IFT172: variants seen among roughly 807,000 people sequenced by gnomAD.
IFT172 encodes the protein intraflagellar transport 172, also known as intraflagellar transport protein 172 homolog.
In IFT172, 164 loss-of-function variants were observed where a neutral mutation model predicts 248.9. That is an observed-to-expected ratio of 0.66 (90% CI 0.58 to 0.75). The LOEUF is 0.75. Among genes scored for constraint, IFT172 ranks in the 30% least tolerant of loss-of-function variants. The pLI, the probability that IFT172 is intolerant of heterozygous loss-of-function variation, is 0.00. For missense variants in IFT172, 1,950 were observed against 2,192.4 expected (o/e 0.89, Z 2.21); for synonymous variants, 729 against 791.6 (o/e 0.92, Z 1.33).
intron 30 of IFT172, among the ~76,000 whole-genome samples, 156 bp downstream of exon 30, chr2:27,456,355 G>T (rs968482375): frequency 1.3e-5 from 2 of 152,178 alleles, no homozygotes; most frequent in Non-Finnish European, 2.9e-5. Flanking sequence ...GTTAAACACT[G>T]TTCTGAGCCC....
intron 35 of IFT172, among the ~76,000 whole-genome samples, chr2:27,452,831 T>C (rs1433129844): frequency 2.6e-5 from 4 of 152,270 alleles, no homozygotes; most frequent in African/African-American, 9.6e-5. Context: ...CGTTGTTATA[T>C]GGCATATGAC....
rs1423990555 is a variant in IFT172, at chr2:27,485,133, A to G, written c.184-3T>C. The G allele has an allele frequency of 2.6e-6, 4 of 1,553,504 alleles. No homozygotes were observed. Among genetic ancestry groups the G allele is most frequent in the South Asian group, 1.2e-5 (1 of 85,682 alleles). On this transcript the variant is annotated splice_region_variant and splice_polypyrimidine_tract_variant and intron_variant, in intron 2 of 47. Transcript: ENST00000260570. ...ACCATATAGCTCTTCCTGCCATACT[A>G]AGAGTTTAAAAAAAAAAAAAGAAAG...
At chr2:27,486,949 C>CT (rs150387708) in intron 1 of IFT172, among the ~76,000 whole-genome samples, 318 of 146,044 alleles carry the variant, frequency 2.2e-3, no homozygotes, top group African/African-American at 5.0e-3. Flanking sequence ...TAATTTCCTT[C>CT]TTTTTTTTTT....
chr2:27,449,306 T>A lies in IFT172; in HGVS notation c.4299A>T (p.Thr1433=). ...EQGQWDKCIE[T]ATKQNYKILH... is the part of the protein sequence containing the mutation. ...AAGAGAGCAGTACCTGCTTGGTAGC[T>A]GTTTCAATGCACTTGTCCCACTGGC... The change falls in exon 39 of 48, where the codon ACA becomes ACT. Residue 1433 remains threonine (T), a synonymous_variant. Coordinates refer to ENST00000260570, the MANE Select transcript of IFT172 (RefSeq NM_015662.3). 1 of 1,614,146 alleles carries A rather than the reference T, an allele frequency of 6.2e-7. No homozygotes were observed. The highest frequency in any genetic ancestry group is 1.3e-5 in the African/African-American group (1 of 75,036).
chr2:27,446,455 T>A, intron 42 of IFT172, 100 bp from the exon 43 acceptor site: 2 of 1,023,376 alleles, frequency 2.0e-6, no homozygotes, highest in Non-Finnish European at 3.0e-6. Flanking sequence ...AAACAACAAT[T>A]ATTATTAAAC....
At chr2:27,489,457 C>T (rs1669006832) in intron 1 of IFT172, among the ~76,000 whole-genome samples, 158 bp downstream of exon 1, 1 of 152,212 alleles carries the variant, frequency 6.6e-6, no homozygotes, top group Admixed American at 6.5e-5. Context: ...TGCATCTCGC[C>T]TCCTGGACGC....
rs766151464 is a variant in IFT172, at chr2:27,454,309, C to T, written c.3530+45G>A. The T allele has an allele frequency of 7.4e-6, 12 of 1,611,734 alleles. No individual in the cohort carries two copies. The highest frequency in any genetic ancestry group is 5.0e-5 in the Admixed American group (3 of 60,034). ...AAGATAATCATGAAAGATCCTGGGA[C>T]GGTGACTGGGGAAACAGTATTAAGG... is the stretch of plus-strand genomic sequence containing the variant. On this transcript the variant is annotated intron_variant, in intron 32 of 47. Coordinates refer to ENST00000260570, the MANE Select transcript of IFT172 (RefSeq NM_015662.3). This position sits in a 1 kb window ranked among gnomAD's most constrained non-coding sequence, Gnocchi z 4.2.
intron 47 of IFT172, 23 bp from the exon 48 acceptor site, chr2:27,444,544 G>A (rs746737744): frequency 6.3e-7 from 1 of 1,584,482 alleles, no homozygotes; most frequent in South Asian, 1.1e-5. Flanking sequence ...GGAAGAACAT[G>A]AGAGGAACTT....
intron 42 of IFT172, 176 bp from the exon 43 acceptor site, chr2:27,446,531 T>C: frequency 1.8e-6 from 1 of 558,030 alleles, no homozygotes; most frequent in Middle Eastern, 4.1e-4. Flanking sequence ...ACAAGACACC[T>C]GGGCCTAGGT....
chr2:27,471,123 A>G (rs964437945), intron 15 of IFT172, 28 bp from the exon 16 acceptor site: 5 of 1,602,984 alleles, frequency 3.1e-6, no homozygotes, highest in Non-Finnish European at 4.3e-6. Flanking sequence ...AGGTAACACA[A>G]TTACAAGGGG....
chr2:27,470,634 T>G, intron 16 of IFT172: 1 of 276,760 alleles, frequency 3.6e-6, no homozygotes, highest in Non-Finnish European at 6.7e-6. Flanking sequence ...GAGATGACAT[T>G]AGAACTGCCT....
rs1208430808 is a variant in IFT172, at chr2:27,457,661, C to T, written c.3206G>A (p.Gly1069Glu). ...KATVNMYRAS[G>E]LWEEAYRVAR... ...TACCCTGTAGGCCTCTTCCCAAAGCCCACTGGCCCGGTACATGTTCACTGT... is the reference window on the plus strand; with the variant it reads ...TACCCTGTAGGCCTCTTCCCAAAGCTCACTGGCCCGGTACATGTTCACTGT... Residue 1069 changes from glycine to glutamate, a missense_variant, in exon 29 of 48, where the codon GGG (glycine) becomes GAG (glutamate). Gly to Glu is a moderately conservative substitution (Grantham distance 98). Around this residue, in one of 3 missense-constraint regions of IFT172, gnomAD observed 164 missense variants for 239.3 expected, o/e 0.69. Transcript: ENST00000260570. 6.2e-7 allele frequency: 1 copy of T among 1,614,178 alleles called. No individual in the cohort carries two copies. Among genetic ancestry groups the T allele is most frequent in the South Asian group, 1.1e-5 (1 of 91,082 alleles).
At chr2:27,474,632 A>G (rs1667833056) in intron 14 of IFT172, among the ~76,000 whole-genome samples, 2 of 152,072 alleles carry the variant, frequency 1.3e-5, no homozygotes, top group African/African-American at 4.8e-5. Flanking sequence ...GCTCACTGCA[A>G]CCTCCACCTC....
In IFT172 at chr2:27,459,691, A is replaced by T; in HGVS notation, c.2642+18T>A. 1.9e-6 allele frequency: 3 copies of T among 1,611,324 alleles called. No individual in the cohort carries two copies. The highest frequency in any genetic ancestry group is 1.7e-4 in the Middle Eastern group (1 of 6,060). ...CACTTCACACCTAAATCTCCTTTAC[A>T]TTCCCATACTCCCATACCTGGCTTC... On this transcript the variant is annotated intron_variant, in intron 24 of 47. Transcript: ENST00000260570.
chr2:27,484,392 C>T, intron 3 of IFT172, 126 bp from the exon 4 acceptor site: 2 of 898,836 alleles, frequency 2.2e-6, no homozygotes, highest in Non-Finnish European at 3.5e-6. Context: ...GAGATCGAGA[C>T]CATCCTGGCT....
chr2:27,447,925 A>C lies in IFT172; in HGVS notation c.4429-3T>G. 6.4e-7 allele frequency: 1 copy of C among 1,561,802 alleles called. No homozygotes were observed. The highest frequency in any genetic ancestry group is 8.8e-7 in the Non-Finnish European group (1 of 1,132,268). ...ATCCTTTTGTAGATATTGAAGTTCT[A>C]GAGGTAGAGGGAAGAAGGGGATCTG... On this transcript the variant is annotated splice_region_variant and splice_polypyrimidine_tract_variant and intron_variant, in intron 40 of 47. Coordinates refer to ENST00000260570, the MANE Select transcript of IFT172 (RefSeq NM_015662.3).
intron 9 of IFT172, 90 bp from the exon 10 acceptor site, chr2:27,479,694 TAG>T: frequency 1.1e-6 from 1 of 886,496 alleles, no homozygotes; most frequent in Non-Finnish European, 1.9e-6. Context: ...ACCTAAGCTC[TAG>T]AGTCTAGAGA....
At chr2:27,485,177 C>T (rs774794679) in intron 2 of IFT172, 47 bp from the exon 3 acceptor site, 11 of 1,435,156 alleles carry the variant, frequency 7.7e-6, no homozygotes, top group Non-Finnish European at 9.6e-6. Flanking sequence ...GTAATGAGTA[C>T]ACATGAAAGA....
rs746293961 is a variant in IFT172 at position 27,445,139 on chromosome 2, TGA to T, written c.5069-36_5069-35del. On this transcript the variant is annotated intron_variant, in intron 46 of 47. Coordinates refer to ENST00000260570, the MANE Select transcript of IFT172 (RefSeq NM_015662.3). This position sits in a 1 kb window ranked among gnomAD's most constrained non-coding sequence, Gnocchi z 4.4. ...GAAGAAAAAATGATGAACTGGGGTT[TGA>T]GAGAGATTGAGGAGGGAAAAATGAG... 1 of 1,612,144 alleles carries T rather than the reference TGA, an allele frequency of 6.2e-7. No individual in the cohort carries two copies. Among genetic ancestry groups the T allele is most frequent in the African/African-American group, 1.3e-5 (1 of 74,956 alleles).
Sources: allele counts gnomAD v4.1 joint callset (sites outside exome capture counted in the v4.1 genomes callset), GRCh38; gene constraint gnomAD v4.1.1; regional missense constraint gnomAD v4.1.1; non-coding constraint Gnocchi (gnomAD v3.1); transcripts MANE v1.5; gene names NCBI Gene and HGNC (gene_info 2026-07-23, HGNC 2026-07-21).